CSRNP3: variants seen among roughly 807,000 people sequenced by gnomAD.
CSRNP3 encodes cysteine/serine-rich nuclear protein 3.
Under a neutral mutation model 48.0 loss-of-function variants are expected in CSRNP3, and 12 were observed. That is an observed-to-expected ratio of 0.25 (90% CI 0.16 to 0.41). The LOEUF is 0.41. Among genes scored for constraint, CSRNP3 ranks in the 10% least tolerant of loss-of-function variants. The probability of loss-of-function intolerance (pLI) is 1.00; values close to 1 mark genes in which losing one functional copy is unlikely to be tolerated. For missense variants in CSRNP3, 580 were observed against 724.4 expected, an observed-to-expected ratio of 0.80 and a Z score of 2.29; for synonymous variants, 263 against 269.7, an observed-to-expected ratio of 0.98 and a Z score of 0.24.
At chr2:165,492,876 A>T (rs1031136670) in intron 1 of CSRNP3, among the ~76,000 whole-genome samples, 42 of 151,516 alleles carry the variant, frequency 2.8e-4, no homozygotes, top group Admixed American at 2.5e-3. Context: ...AATGACAGAC[A>T]AATAGATCTC....
At chr2:165,629,472 T>C (rs921966261) in intron 4 of CSRNP3, among the ~76,000 whole-genome samples, 1 of 152,248 alleles carries the variant, frequency 6.6e-6, no homozygotes, top group African/African-American at 2.4e-5. Context: ...AAAGCTCCCA[T>C]GGTTTTTCTT....
chr2:165,606,961 C>T (rs1234237551), intron 4 of CSRNP3, among the ~76,000 whole-genome samples: 1 of 151,888 alleles, frequency 6.6e-6, no homozygotes, highest in Admixed American at 6.6e-5. Flanking sequence ...ACTCTCTTAA[C>T]TTTTTTTTAC....
chr2:165,688,066 CTATAGAA>C lies in CSRNP3; in HGVS notation c.*8315_*8321del, dbSNP rs934258269. The C allele has an allele frequency of 1.3e-5, 2 of 149,278 alleles. No individual in the cohort carries two copies. Among genetic ancestry groups the C allele is most frequent in the African/African-American group, 4.9e-5 (2 of 40,644 alleles). The allele number at this position is 149,278 out of a possible 1,614,324, so 9.2% of individuals were successfully genotyped here. A position where few individuals can be genotyped will look rare whatever the true frequency, so the allele number is the denominator to read the frequency against. Reference sequence around the variant, plus strand: ...TTTAAAAAAAAAAAAAAGGCTAATGCTATAGAATGATCATGTAAAGAATGTTGAATAA... The same window carrying C: ...TTTAAAAAAAAAAAAAAGGCTAATGCTGATCATGTAAAGAATGTTGAATAA... On this transcript the variant is annotated 3_prime_UTR_variant, in exon 7 of 7. Coordinates refer to ENST00000651982, the MANE Select transcript of CSRNP3 (RefSeq NM_001172173.2).
Position 165,679,076 on chromosome 2 carries a change from A to C in CSRNP3, c.1081A>C (p.Thr361Pro). ...SFCSGVTDSSTQSLAPSESDE... is the reference protein window; with the variant it reads ...SFCSGVTDSSPQSLAPSESDE... ...TTGCAGCGGAGTCACAGATTCTAGCACGCAAAGCTTGGCACCTAGTGAGTC... is the reference window on the plus strand; with the variant it reads ...TTGCAGCGGAGTCACAGATTCTAGCCCGCAAAGCTTGGCACCTAGTGAGTC... The change falls in exon 7 of 7, where the codon ACG (threonine) becomes CCG (proline). Residue 361 changes from threonine (T) to proline (P), a missense_variant. Thr to Pro is a conservative substitution (Grantham distance 38). This residue lies in a region of CSRNP3 where 369 missense variants were observed against 380.8 expected (regional missense o/e 0.97). Transcript: ENST00000651982. The C allele has an allele frequency of 6.2e-7, 1 of 1,613,748 alleles. No individual in the cohort carries two copies. The highest frequency in any genetic ancestry group is 8.5e-7 in the Non-Finnish European group (1 of 1,179,838).
chr2:165,608,132 T>C (rs1231693662), intron 4 of CSRNP3, among the ~76,000 whole-genome samples: 1 of 151,442 alleles, frequency 6.6e-6, no homozygotes, highest in East Asian at 1.9e-4. Context: ...GGCTTGTAGA[T>C]CCCACAAAAA....
intron 1 of CSRNP3, among the ~76,000 whole-genome samples, chr2:165,486,073 G>A (rs1419261017): frequency 6.6e-6 from 1 of 152,180 alleles, no homozygotes; most frequent in Non-Finnish European, 1.5e-5. Flanking sequence ...AGTGGGCGCA[G>A]GCCAGTGGGT....
In CSRNP3 at chr2:165,487,191, A is replaced by G. The variant is rs376144322; in HGVS notation, c.-282-7568A>G. On this transcript the variant is annotated intron_variant, in intron 1 of 6. Coordinates refer to ENST00000651982, the MANE Select transcript of CSRNP3 (RefSeq NM_001172173.2). Reference sequence around the variant, plus strand: ...GATGCGATCAACTGGAAGAAAGGGTATCAGCAATGGAAGATGAAATGAATG... The same window carrying G: ...GATGCGATCAACTGGAAGAAAGGGTGTCAGCAATGGAAGATGAAATGAATG... Among the ~76,000 whole-genome samples, 250 of 127,562 alleles carry G rather than the reference A, an allele frequency of 2.0e-3. 10 individuals carry two copies. The East Asian group carries it at 0.046, about 23-fold the overall frequency. 83.7% of individuals were successfully genotyped at this position (127,562 alleles called of 152,430 possible).
chr2:165,651,813 G>A (rs955059208), intron 4 of CSRNP3, among the ~76,000 whole-genome samples: 3 of 151,956 alleles, frequency 2.0e-5, no homozygotes, highest in Admixed American at 6.6e-5. Context: ...CTACCACCAA[G>A]CCCGGCTAAT....
Position 165,535,047 on chromosome 2 carries a change from A to G in CSRNP3, c.-24+17086A>G, listed in dbSNP as rs568741902. On this transcript the variant is annotated intron_variant, in intron 3 of 6. Transcript: ENST00000651982. The stretch of plus-strand genomic sequence containing the variant: ...CTTGAGACTTGGCTTGGCTATTGAT[A>G]CTGTAAGAATAATGGTATGTAATAT... Among the ~76,000 whole-genome samples, 4 of 151,930 alleles carry G rather than the reference A, an allele frequency of 2.6e-5. No individual in the cohort carries two copies. The South Asian group carries it at 8.3e-4, about 32-fold the overall frequency.
At chr2:165,584,671 C>T (rs1030961703) in intron 3 of CSRNP3, among the ~76,000 whole-genome samples, 1 of 152,168 alleles carries the variant, frequency 6.6e-6, no homozygotes, top group South Asian at 2.1e-4. Context: ...TAGAATGAGT[C>T]AAAAGCCTGC....
chr2:165,617,341 T>C (rs1004765289), intron 4 of CSRNP3, among the ~76,000 whole-genome samples: 1 of 150,802 alleles, frequency 6.6e-6, no homozygotes, highest in African/African-American at 2.5e-5. Context: ...GATGCATCTA[T>C]AGTGTAAATT....
At chr2:165,582,032 A>G (rs1339317973) in intron 3 of CSRNP3, among the ~76,000 whole-genome samples, 2 of 152,192 alleles carry the variant, frequency 1.3e-5, no homozygotes, top group African/African-American at 2.4e-5. Flanking sequence ...ATTGGGTTGA[A>G]CGGGGATTAT....
intron 5 of CSRNP3, among the ~76,000 whole-genome samples, chr2:165,660,568 A>G (rs1479350972): frequency 1.3e-5 from 2 of 152,166 alleles, no homozygotes; most frequent in Non-Finnish European, 2.9e-5. Context: ...ACTCCGAGAC[A>G]CGTGATACAT....
In CSRNP3 at chr2:165,687,180, T is replaced by C. The variant is rs1687643619; in HGVS notation, c.*7427T>C. ...TTGGGTTTCCCCCTACATTTGGTGA[T>C]TATTACATTAATATATGATCATTCC... On this transcript the variant is annotated 3_prime_UTR_variant, in exon 7 of 7. Transcript: ENST00000651982. 1 of 152,260 alleles carries C rather than the reference T, an allele frequency of 6.6e-6. No individual in the cohort carries two copies. The highest frequency in any genetic ancestry group is 1.9e-4 in the East Asian group (1 of 5,182). 9.4% of individuals were successfully genotyped at this position (152,260 alleles called of 1,614,324 possible).
At chr2:165,645,730 C>G (rs553029149) in intron 4 of CSRNP3, among the ~76,000 whole-genome samples, 1 of 152,008 alleles carries the variant, frequency 6.6e-6, no homozygotes, top group Non-Finnish European at 1.5e-5. Context: ...TTCTGCAGCC[C>G]TGTATCTCCA....
chr2:165,638,663 A>T (rs2105332470), intron 4 of CSRNP3, among the ~76,000 whole-genome samples: 1 of 152,344 alleles, frequency 6.6e-6, no homozygotes, highest in East Asian at 1.9e-4. Flanking sequence ...ATAATTTTGC[A>T]TTATTTGCTA....
chr2:165,664,018 G>T (rs934057500), intron 5 of CSRNP3, among the ~76,000 whole-genome samples: 4 of 152,090 alleles, frequency 2.6e-5, no homozygotes, highest in African/African-American at 9.7e-5. Flanking sequence ...CATCCCTCCT[G>T]GTGACTGTGT....
intron 2 of CSRNP3, among the ~76,000 whole-genome samples, chr2:165,511,673 G>T (rs1013227328): frequency 4.6e-5 from 7 of 152,250 alleles, no homozygotes; most frequent in Middle Eastern, 3.4e-3. Flanking sequence ...GAGGAGGTGG[G>T]AAGGAATGTG....
chr2:165,520,150 A>G (rs992610950), intron 3 of CSRNP3, among the ~76,000 whole-genome samples: 9 of 152,214 alleles, frequency 5.9e-5, no homozygotes, highest in African/African-American at 2.2e-4. Flanking sequence ...AGGTCTATCT[A>G]TGTGCATTTT....
Sources: gnomAD v4.1 joint callset for allele counts (sites outside exome capture counted in the v4.1 genomes callset) on GRCh38, gnomAD v4.1.1 for gene constraint, gnomAD v4.1.1 regional missense constraint, MANE v1.5 for transcripts, NCBI Gene and HGNC (gene_info 2026-07-23, HGNC 2026-07-21) for gene names.